The following DKK2 variants were observed in gnomAD, a reference collection of about 807,000 sequenced individuals.
The protein encoded by DKK2 is dickkopf Wnt signaling pathway inhibitor 2.
Under a neutral mutation model 28.1 loss-of-function variants are expected in DKK2, and 11 were observed. The ratio of observed to expected loss-of-function variants is 0.39; its 90% CI spans 0.25 to 0.65. The LOEUF is 0.65. Among genes scored for constraint, DKK2 ranks in the 30% least tolerant of loss-of-function variants. The pLI is 0.47. For missense variants in DKK2, 326 were observed against 335.5 expected (o/e 0.97, Z 0.22); for synonymous variants, 135 against 126.5 (o/e 1.07, Z -0.45).
chr4:106,936,402 G>A (rs1406514916), intron 1 of DKK2, among the ~76,000 whole-genome samples: 1 of 151,806 alleles, frequency 6.6e-6, no homozygotes, highest in African/African-American at 2.4e-5. Context: ...GAAGCAAGAA[G>A]GGAAGTTTAG....
intron 1 of DKK2, among the ~76,000 whole-genome samples, chr4:106,984,812 A>G (rs1723092159): frequency 6.6e-6 from 1 of 152,222 alleles, no homozygotes; most frequent in South Asian, 2.1e-4. Context: ...TGGAATAAGC[A>G]TACTATGGAA....
intron 1 of DKK2, among the ~76,000 whole-genome samples, chr4:107,004,096 G>A (rs979628362): frequency 6.6e-6 from 1 of 152,130 alleles, no homozygotes; most frequent in South Asian, 2.1e-4. Flanking sequence ...AAAATAGAAT[G>A]CAATAAAGGG....
chr4:106,928,206 A>G (rs1724450822), intron 1 of DKK2, among the ~76,000 whole-genome samples: 1 of 152,162 alleles, frequency 6.6e-6, no homozygotes, highest in Non-Finnish European at 1.5e-5. Context: ...TTATATTTGA[A>G]TGGGATTACA....
chr4:106,981,975 T>C (rs1236116438), intron 1 of DKK2, among the ~76,000 whole-genome samples: 1 of 152,180 alleles, frequency 6.6e-6, no homozygotes, highest in Non-Finnish European at 1.5e-5. Context: ...ATTTATGTGC[T>C]CAATAAATAT....
At chr4:107,020,205 T>TG (rs1723670335) in intron 1 of DKK2, among the ~76,000 whole-genome samples, 1 of 152,138 alleles carries the variant, frequency 6.6e-6, no homozygotes, top group Admixed American at 6.6e-5. Context: ...TCAATCACTG[T>TG]GATGGCTGTG....
At chr4:106,990,214 T>C (rs1723183735) in intron 1 of DKK2, among the ~76,000 whole-genome samples, 1 of 152,238 alleles carries the variant, frequency 6.6e-6, no homozygotes, top group Non-Finnish European at 1.5e-5. Flanking sequence ...CAAAATTTAT[T>C]TCCTCAGTCA....
rs189354719 is a variant in DKK2, at chr4:106,935,332, C to T, written c.223-9383G>A. ...CGCAAGGGGTCAGGGAGTTCCCTTT[C>T]CGAGTCAAAGAAAGGGGTGACGGAT... On this transcript the variant is annotated intron_variant, in intron 1 of 3. Coordinates refer to ENST00000285311, the MANE Select transcript of DKK2 (RefSeq NM_014421.3). 2.4e-3 allele frequency among the ~76,000 whole-genome samples: 364 copies of T among 152,328 alleles called. 3 individuals carry two copies. Among genetic ancestry groups the T allele is most frequent in the Admixed American group, 0.017 (266 of 15,300 alleles).
intron 1 of DKK2, among the ~76,000 whole-genome samples, chr4:106,951,878 C>T (rs879850477): frequency 2.0e-5 from 3 of 152,008 alleles, no homozygotes; most frequent in Non-Finnish European, 2.9e-5. Context: ...ATAGATACGT[C>T]TACCATTTGG....
intron 1 of DKK2, among the ~76,000 whole-genome samples, chr4:107,024,823 C>A (rs1297189571): frequency 1.3e-5 from 2 of 152,154 alleles, no homozygotes; most frequent in Non-Finnish European, 2.9e-5. Context: ...ACAAGGTTTT[C>A]TTCCAAAATG....
intron 1 of DKK2, among the ~76,000 whole-genome samples, chr4:107,024,072 A>G (rs1306472640): frequency 1.3e-5 from 2 of 152,138 alleles, no homozygotes; most frequent in African/African-American, 4.8e-5. Flanking sequence ...GTGGTTTTGC[A>G]CCAATACAAC....
intron 1 of DKK2, among the ~76,000 whole-genome samples, chr4:107,012,905 C>T (rs1411502208): frequency 6.6e-6 from 1 of 150,526 alleles, no homozygotes; most frequent in Non-Finnish European, 1.5e-5. Context: ...TTTATATTAT[C>T]TCTTAATATA....
intron 1 of DKK2, among the ~76,000 whole-genome samples, chr4:106,933,003 T>A (rs1724525001): frequency 6.6e-6 from 1 of 152,176 alleles, no homozygotes; most frequent in South Asian, 2.1e-4. Flanking sequence ...TGGATAAAAT[T>A]TCTGAATTCA....
intron 1 of DKK2, among the ~76,000 whole-genome samples, chr4:106,932,788 C>A (rs963474729): frequency 3.9e-5 from 6 of 152,144 alleles, no homozygotes; most frequent in Non-Finnish European, 8.8e-5. Context: ...TCTTCCAAAT[C>A]TGGGATTTAT....
intron 1 of DKK2, among the ~76,000 whole-genome samples, chr4:107,024,857 A>T (rs1294980982): frequency 6.6e-6 from 1 of 152,180 alleles, no homozygotes; most frequent in African/African-American, 2.4e-5. Flanking sequence ...TTTCAGGCTC[A>T]CCCGCTGTCC....
chr4:107,016,790 G>A (rs751771267), intron 1 of DKK2, among the ~76,000 whole-genome samples: 4 of 151,870 alleles, frequency 2.6e-5, no homozygotes, highest in Admixed American at 6.6e-5. Flanking sequence ...TAGATTTACC[G>A]TCAATTGAGA....
chr4:106,953,356 A>G, intron 1 of DKK2, among the ~76,000 whole-genome samples: 1 of 152,222 alleles, frequency 6.6e-6, no homozygotes, highest in Middle Eastern at 3.2e-3. Flanking sequence ...ATTCACTTAC[A>G]GCACCAACTT....
rs2110338410 is a variant in DKK2 at position 106,923,533 on chromosome 4, A to G, written c.*421T>C. 1 of 160,618 alleles carries G rather than the reference A, an allele frequency of 6.2e-6. No homozygotes were observed. Among genetic ancestry groups the G allele is most frequent in the East Asian group, 1.8e-4 (1 of 5,520 alleles). 9.9% of individuals were successfully genotyped at this position (160,618 alleles called of 1,614,324 possible). A position where few individuals can be genotyped will look rare whatever the true frequency, so the allele number is the denominator to read the frequency against. On this transcript the variant is annotated 3_prime_UTR_variant, in exon 4 of 4. Coordinates refer to ENST00000285311, the MANE Select transcript of DKK2 (RefSeq NM_014421.3). ...AACCTATTGTATAACAAGTTATTCT[A>G]GGAGTATTTTGTTAAACTCTAACGT...
In DKK2 at chr4:106,967,094, CA is replaced by C. The variant is rs1248401781; in HGVS notation, c.223-41146del. ...ATATCAACAAAGTTCTTCAATAGAT[CA>C]ATTCATTCATTTAACTAATGAATAT... On this transcript the variant is annotated intron_variant, in intron 1 of 3. Coordinates refer to ENST00000285311, the MANE Select transcript of DKK2 (RefSeq NM_014421.3). Among the ~76,000 whole-genome samples, 3 of 152,250 alleles carry C rather than the reference CA, an allele frequency of 2.0e-5. No homozygotes were observed. In the East Asian group the frequency reaches 5.8e-4, roughly 29 times the overall value.
chr4:107,009,886 GTC>G (rs1490448384), intron 1 of DKK2, among the ~76,000 whole-genome samples: 1 of 151,784 alleles, frequency 6.6e-6, no homozygotes, highest in Non-Finnish European at 1.5e-5. Flanking sequence ...CAGTTTCTAA[GTC>G]TCTGTAATTC....
Sources: allele counts gnomAD v4.1 joint callset (sites outside exome capture counted in the v4.1 genomes callset), GRCh38; gene constraint gnomAD v4.1.1; transcripts MANE v1.5; gene names NCBI Gene and HGNC (gene_info 2026-07-23, HGNC 2026-07-21).